Variants in ARHGAP21 observed in about 807,000 individuals in gnomAD.
The protein encoded by ARHGAP21 is Rho GTPase activating protein 21.
A neutral mutation model predicts 164.6 loss-of-function variants in ARHGAP21; 38 were observed. The ratio of observed to expected loss-of-function variants is 0.23; its 90% CI spans 0.18 to 0.30. ARHGAP21 has a LOEUF of 0.30. ARHGAP21 is among the 10% of genes least tolerant of loss of function. ARHGAP21 has a pLI of 1.00. For missense variants in ARHGAP21, 1,822 were observed against 2,370.7 expected, an observed-to-expected ratio of 0.77 and a Z score of 4.81; for synonymous variants, 766 against 857.9, an observed-to-expected ratio of 0.89 and a Z score of 1.87.
intron 7 of ARHGAP21, among the ~76,000 whole-genome samples, chr10:24,625,948 G>A (rs1321613006): frequency 6.6e-6 from 1 of 152,168 alleles, no homozygotes; most frequent in Non-Finnish European, 1.5e-5. Flanking sequence ...CCACTCAACA[G>A]CAGTATAGGA....
At chr10:24,688,017 C>T (rs1269511107) in intron 2 of ARHGAP21, among the ~76,000 whole-genome samples, 1 of 152,030 alleles carries the variant, frequency 6.6e-6, no homozygotes, top group Non-Finnish European at 1.5e-5. Context: ...TAATGGTGAA[C>T]TCATTTTCAT....
chr10:24,667,340 T>C (rs1840294026), intron 3 of ARHGAP21, among the ~76,000 whole-genome samples: 1 of 152,206 alleles, frequency 6.6e-6, no homozygotes, highest in Non-Finnish European at 1.5e-5. Context: ...AGATTTCTAA[T>C]GGAGATATCC....
At position 24,700,894 on chromosome 10, in the gene ARHGAP21, G is replaced by A. The variant is rs576334407; in HGVS notation, c.63+20943C>T. 2.7e-4 allele frequency among the ~76,000 whole-genome samples: 41 copies of A among 152,310 alleles called. No individual in the cohort carries two copies. The South Asian group carries it at 8.3e-3, about 31-fold the overall frequency. On this transcript the variant is annotated intron_variant, in intron 2 of 25. Coordinates refer to ENST00000396432, the MANE Select transcript of ARHGAP21 (RefSeq NM_020824.4). ...AAATTCTGATTCCCTAAAGTCTAGA[G>A]TGAGACCAGAACATCCGCATTTCTT...
chr10:24,586,414 C>A (rs2076104619), intron 25 of ARHGAP21, among the ~76,000 whole-genome samples: 1 of 152,160 alleles, frequency 6.6e-6, no homozygotes, highest in African/African-American at 2.4e-5. Flanking sequence ...AAACACCTGA[C>A]CTTCCCTCCT....
intron 4 of ARHGAP21, among the ~76,000 whole-genome samples, chr10:24,646,069 T>C (rs1434862045): frequency 6.6e-6 from 1 of 152,174 alleles, no homozygotes; most frequent in Admixed American, 6.5e-5. Context: ...AAGGAACAAA[T>C]AAACAAAAAT....
rs549191670 is a variant in ARHGAP21 at position 24,584,918 on chromosome 10, C to T, written c.5371G>A (p.Glu1791Lys). 3.2e-5 allele frequency: 51 copies of T among 1,613,892 alleles called. No individual in the cohort carries two copies. The highest frequency in any genetic ancestry group is 2.2e-5 in the South Asian group (2 of 91,076). The change falls in exon 26 of 26, where the codon GAG (glutamate) becomes AAG (lysine). Residue 1791 changes from glutamate (E) to lysine (K), a missense_variant. By Grantham distance (56) the Glu-to-Lys change is moderately conservative. Around this residue, in one of 5 missense-constraint regions of ARHGAP21, gnomAD observed 117 missense variants for 193.2 expected, o/e 0.61. Coordinates refer to ENST00000396432, the MANE Select transcript of ARHGAP21 (RefSeq NM_020824.4). ...CGGATGCTTTTCCTTTTAGCAGTCT[C>T]GGCATTCACTTTGTGATTCCCTACT... ...FGVGNHKVNAETAKRKSIRRR... is the reference protein window; with the variant it reads ...FGVGNHKVNAKTAKRKSIRRR...
chr10:24,591,534 G>C, intron 23 of ARHGAP21, 108 bp downstream of exon 23: 1 of 1,401,098 alleles, frequency 7.1e-7, no homozygotes, highest in Non-Finnish European at 1.0e-6. Context: ...CCTGCTTCCG[G>C]GGCGCAAAGC....
At chr10:24,654,945 G>A (rs1211223140) in intron 4 of ARHGAP21, among the ~76,000 whole-genome samples, 1 of 152,174 alleles carries the variant, frequency 6.6e-6, no homozygotes, top group Non-Finnish European at 1.5e-5. Flanking sequence ...GAACAGAACA[G>A]AGGCCTCAGA....
intron 9 of ARHGAP21, among the ~76,000 whole-genome samples, chr10:24,609,748 T>C (rs889411171): frequency 6.6e-6 from 1 of 152,224 alleles, no homozygotes; most frequent in African/African-American, 2.4e-5. Flanking sequence ...CCAATGTGCA[T>C]ATTATGTAAA....
At chr10:24,666,243 G>A (rs1178264968) in intron 4 of ARHGAP21, among the ~76,000 whole-genome samples, 9 of 152,092 alleles carry the variant, frequency 5.9e-5, no homozygotes, top group Admixed American at 5.9e-4. Context: ...TGTTAGCCAG[G>A]ATAGTCTCGA....
chr10:24,619,351 C>G (rs1206829243), intron 9 of ARHGAP21, 122 bp downstream of exon 9: 2 of 968,398 alleles, frequency 2.1e-6, no homozygotes, highest in Non-Finnish European at 3.0e-6. Flanking sequence ...TTATGAGATT[C>G]ACTAGAAACA....
At position 24,600,745 on chromosome 10, in the gene ARHGAP21, G is replaced by A; in HGVS notation, c.3033C>T (p.Leu1011=). The A allele has an allele frequency of 1.2e-6, 2 of 1,613,960 alleles. No homozygotes were observed. Among genetic ancestry groups the A allele is most frequent in the South Asian group, 1.1e-5 (1 of 91,072 alleles). Residue 1011 remains leucine (L), a synonymous_variant, in exon 14 of 26, where the codon CTC becomes CTT. Transcript: ENST00000396432. ...ACAGGCATTCACAGTCGGACGTGGT[G>A]AGTCGAAACACATTTTTCCTCTTGG... ...SETKRKNVFR[L]TTSDCECLFQ... is the part of the protein sequence containing the mutation.
chr10:24,630,183 T>C, intron 6 of ARHGAP21, 133 bp from the exon 7 acceptor site: 1 of 481,308 alleles, frequency 2.1e-6, no homozygotes, highest in East Asian at 3.5e-5. Context: ...ATCTTAATTT[T>C]TAAAATCAAA....
intron 4 of ARHGAP21, among the ~76,000 whole-genome samples, chr10:24,641,419 A>G (rs1201151200): frequency 6.6e-6 from 1 of 152,144 alleles, no homozygotes; most frequent in Non-Finnish European, 1.5e-5. Context: ...CTTTAAAATT[A>G]TATCTCCAAG....
intron 17 of ARHGAP21, chr10:24,596,275 A>G (rs1185336149): frequency 2.2e-6 from 1 of 451,378 alleles, no homozygotes; most frequent in Non-Finnish European, 3.8e-6. Context: ...GAGAGATAAC[A>G]TTCTAAAAAG....
At chr10:24,651,612 A>T (rs957580758) in intron 4 of ARHGAP21, among the ~76,000 whole-genome samples, 4 of 152,226 alleles carry the variant, frequency 2.6e-5, no homozygotes, top group African/African-American at 9.6e-5. Context: ...TGATATATAA[A>T]AAGCATCACA....
intron 2 of ARHGAP21, among the ~76,000 whole-genome samples, chr10:24,704,199 T>C (rs1265714829): frequency 6.6e-6 from 1 of 152,034 alleles, no homozygotes; most frequent in Non-Finnish European, 1.5e-5. Flanking sequence ...TTTTGTGACC[T>C]CCACCAAATA....
intron 4 of ARHGAP21, among the ~76,000 whole-genome samples, chr10:24,644,577 G>A (rs1593144786): frequency 6.6e-6 from 1 of 152,062 alleles, no homozygotes; most frequent in Non-Finnish European, 1.5e-5. Context: ...CCATTTGTCA[G>A]GTCTAGTCCA....
chr10:24,600,001 CG>C (rs1396254466), intron 14 of ARHGAP21, among the ~76,000 whole-genome samples: 1 of 151,920 alleles, frequency 6.6e-6, no homozygotes, highest in Non-Finnish European at 1.5e-5. Context: ...GGCATGGTGA[CG>C]GCTGCCTGTC....
Sources: allele counts gnomAD v4.1 joint callset (sites outside exome capture counted in the v4.1 genomes callset), GRCh38; gene constraint gnomAD v4.1.1; regional missense constraint gnomAD v4.1.1; transcripts MANE v1.5; gene names NCBI Gene and HGNC (gene_info 2026-07-23, HGNC 2026-07-21).